Variants in ABCA4 observed in about 807,000 individuals in gnomAD.
ABCA4 encodes ATP binding cassette subfamily A member 4.
A neutral mutation model predicts 263.7 loss-of-function variants in ABCA4; 196 were observed. That is an observed-to-expected ratio of 0.74 (90% CI 0.66 to 0.84). ABCA4 has a LOEUF of 0.84. ABCA4 is among the 40% of genes least tolerant of loss of function. ABCA4 has a pLI of 0.00. For missense variants in ABCA4, 2,792 were observed against 2,855.1 expected, an observed-to-expected ratio of 0.98 and a Z score of 0.50; for synonymous variants, 1,133 against 1,094.2, an observed-to-expected ratio of 1.04 and a Z score of -0.70.
At chr1:94,039,833 C>A (rs977143670) in intron 24 of ABCA4, among the ~76,000 whole-genome samples, 1 of 152,054 alleles carries the variant, frequency 6.6e-6, no homozygotes, top group East Asian at 1.9e-4. Context: ...AGGGAGAGGG[C>A]CTTTAGGTGC....
intron 20 of ABCA4, 108 bp downstream of exon 20, chr1:94,044,505 C>T: frequency 1.9e-6 from 3 of 1,543,584 alleles, no homozygotes; most frequent in East Asian, 4.5e-5. Flanking sequence ...GAGTCTGTAT[C>T]TCTGCCTGTG....
At chr1:94,078,804 G>C in intron 9 of ABCA4, 98 bp from the exon 10 acceptor site, 2 of 867,992 alleles carry the variant, frequency 2.3e-6, no homozygotes, top group Admixed American at 1.7e-5. Flanking sequence ...CTTAGTGTTA[G>C]GGAAAGGCTT....
At position 94,116,966 on chromosome 1, in the gene ABCA4, TTCTC is replaced by T. The variant is rs60374748; in HGVS notation, c.67-3904_67-3901del. Among the ~76,000 whole-genome samples the T allele has an allele frequency of 7.3e-3, 744 of 101,796 alleles. 4 individuals carry two copies. Among genetic ancestry groups the T allele is most frequent in the African/African-American group, 0.02 (546 of 27,634 alleles). The allele number at this position is 101,796 out of a possible 152,430, so 66.8% of individuals were successfully genotyped here. A position where few individuals can be genotyped will look rare whatever the true frequency, so the allele number is the denominator to read the frequency against. ...TTCCCTCCCTCCCTCCTTTCTTTCT[TTCTC>T]TTTCTTTCTTTCTTTCTTTCTTTCT... On this transcript the variant is annotated intron_variant, in intron 1 of 49. Coordinates refer to ENST00000370225, the MANE Select transcript of ABCA4 (RefSeq NM_000350.3).
intron 13 of ABCA4, chr1:94,061,455 T>C (rs1661127336): frequency 6.5e-6 from 1 of 154,552 alleles, no homozygotes; most frequent in Non-Finnish European, 1.4e-5. Flanking sequence ...CTGTGTTTCA[T>C]GTGCTAGTAA....
At chr1:94,001,610 A>G (rs749598900) in intron 45 of ABCA4, 5 of 663,486 alleles carry the variant, frequency 7.5e-6, no homozygotes, top group South Asian at 7.5e-5. Flanking sequence ...CGATGGCCCC[A>G]CAGGAGACAT....
At chr1:94,043,804 T>A (rs1206232681) in intron 20 of ABCA4, among the ~76,000 whole-genome samples, 1 of 152,188 alleles carries the variant, frequency 6.6e-6, no homozygotes, top group Non-Finnish European at 1.5e-5. Context: ...GTTATAAAAT[T>A]GTATGCATAG....
intron 47 of ABCA4, among the ~76,000 whole-genome samples, chr1:93,998,948 A>T (rs955090725): frequency 1.2e-4 from 17 of 144,196 alleles, no homozygotes; most frequent in Non-Finnish European, 1.9e-4. Context: ...ACAGGGTTTC[A>T]CTATGTTGGC....
At chr1:94,048,824 G>A in intron 18 of ABCA4, 44 bp downstream of exon 18, 1 of 1,594,192 alleles carries the variant, frequency 6.3e-7, no homozygotes, top group African/African-American at 1.3e-5. Context: ...AGTGCTTAGA[G>A]CCTTTTCCTC....
chr1:94,103,006 T>TC lies in ABCA4; in HGVS notation c.570+8dup, dbSNP rs780866923. 1 of 1,614,008 alleles carries TC rather than the reference T, an allele frequency of 6.2e-7. No individual in the cohort carries two copies. Among genetic ancestry groups the TC allele is most frequent in the South Asian group, 1.1e-5 (1 of 91,074 alleles). On this transcript the variant is annotated intron_variant, in intron 5 of 49. Coordinates refer to ENST00000370225, the MANE Select transcript of ABCA4 (RefSeq NM_000350.3). ...CTCCAGGGACCACTGGCCAGTGACA[T>TC]CCCCCTACCTGCTCTGGACGGACTT...
intron 40 of ABCA4, among the ~76,000 whole-genome samples, chr1:94,010,183 C>A (rs904482057): frequency 1.3e-5 from 2 of 152,144 alleles, no homozygotes; most frequent in African/African-American, 4.8e-5. Flanking sequence ...TGGGTGAGGA[C>A]AATAAAGGTA....
intron 47 of ABCA4, 55 bp from the exon 48 acceptor site, chr1:93,998,165 A>C: frequency 6.2e-7 from 1 of 1,612,944 alleles, no homozygotes; most frequent in Non-Finnish European, 8.5e-7. Context: ...GGCCTAAGGT[A>C]ATCCCAAAAT....
intron 1 of ABCA4, among the ~76,000 whole-genome samples, chr1:94,117,689 C>A (rs2101182155): frequency 6.6e-6 from 1 of 152,286 alleles, no homozygotes; most frequent in South Asian, 2.1e-4. Context: ...CTCTCACCCT[C>A]TCCAGCCCCG....
At position 94,111,423 on chromosome 1, in the gene ABCA4, G is replaced by T. The variant is rs201042274; in HGVS notation, c.302+15C>A. Reference sequence around the variant, plus strand: ...GCAACTTCCTCCCCTGCATGGTAGGGATCTCAACACTTACATGGAGTTGTT... The same window carrying T: ...GCAACTTCCTCCCCTGCATGGTAGGTATCTCAACACTTACATGGAGTTGTT... On this transcript the variant is annotated intron_variant, in intron 3 of 49. Transcript: ENST00000370225. 1.9e-6 allele frequency: 3 copies of T among 1,613,526 alleles called. No homozygotes were observed. The highest frequency in any genetic ancestry group is 1.7e-6 in the Non-Finnish European group (2 of 1,179,838).
At chr1:94,007,818 T>C in intron 42 of ABCA4, 78 bp from the exon 43 acceptor site, 2 of 1,370,964 alleles carry the variant, frequency 1.5e-6, no homozygotes, top group Non-Finnish European at 2.1e-6. Flanking sequence ...TAAGTGTGTG[T>C]GTGAGCTGGG....
At chr1:94,007,103 G>T (rs1417900097) in intron 43 of ABCA4, among the ~76,000 whole-genome samples, 3 of 152,162 alleles carry the variant, frequency 2.0e-5, no homozygotes, top group Non-Finnish European at 4.4e-5. Flanking sequence ...AGCCAATGCA[G>T]GTTAGGCTAC....
chr1:94,030,406 A>T (rs1427516268), intron 29 of ABCA4, 22 bp downstream of exon 29: 2 of 1,612,026 alleles, frequency 1.2e-6, no homozygotes, highest in Non-Finnish European at 8.5e-7. Flanking sequence ...TCTTCTTAGG[A>T]CAGGGGCGCG....
Position 94,037,203 on chromosome 1 carries a change from T to A in ABCA4, c.3755A>T (p.Glu1252Val), listed in dbSNP as rs377098736. Reference protein sequence around the residue: ...AYASLFRELEETLADLGLSSF... With the variant: ...AYASLFRELEVTLADLGLSSF... Reference sequence around the variant, plus strand: ...GCTGAGACCAAGGTCAGCCAGCGTCTCCTCCAGCTCTCTGAAAAGGCTGGC... The same window carrying A: ...GCTGAGACCAAGGTCAGCCAGCGTCACCTCCAGCTCTCTGAAAAGGCTGGC... The change falls in exon 25 of 50, where the codon GAG (glutamate) becomes GTG (valine). Residue 1252 changes from glutamate to valine, a missense_variant. By Grantham distance (121) the Glu-to-Val change is moderately radical. Coordinates refer to ENST00000370225, the MANE Select transcript of ABCA4 (RefSeq NM_000350.3). 1.4e-5 allele frequency: 22 copies of A among 1,614,098 alleles called. 1 individual carries two copies. The Middle Eastern group carries it at 4.9e-4, about 36-fold the overall frequency.
intron 6 of ABCA4, among the ~76,000 whole-genome samples, chr1:94,091,073 G>A (rs2101123097): frequency 6.6e-6 from 1 of 152,330 alleles, no homozygotes; most frequent in South Asian, 2.1e-4. Flanking sequence ...AAGAAAGAGT[G>A]ACTAGAGAGA....
intron 40 of ABCA4, among the ~76,000 whole-genome samples, chr1:94,010,475 G>C (rs989248717): frequency 1.3e-5 from 2 of 152,088 alleles, no homozygotes; most frequent in African/African-American, 4.8e-5. Flanking sequence ...TAGTACTTTG[G>C]ATACCCTGTA....
Sources: allele counts gnomAD v4.1 joint callset (sites outside exome capture counted in the v4.1 genomes callset), GRCh38; gene constraint gnomAD v4.1.1; transcripts MANE v1.5; gene names NCBI Gene and HGNC (gene_info 2026-07-23, HGNC 2026-07-21).